The following CTXN2 variants were observed in gnomAD, a reference collection of about 807,000 sequenced individuals.
CTXN2 encodes the protein cortexin-2.
Under a neutral mutation model 5.7 loss-of-function variants are expected in CTXN2, and 3 were observed. That is an observed-to-expected ratio of 0.53 (90% confidence interval 0.24 to 1.36). The LOEUF (loss-of-function observed/expected upper bound fraction) is 1.36. Ranked by LOEUF, CTXN2 falls within the 40% of genes most tolerant of loss-of-function variation. The pLI, the probability that CTXN2 is intolerant of heterozygous loss-of-function variation, is 0.17. For synonymous variants in CTXN2, 38 were observed against 36.4 expected (o/e 1.04, Z -0.16); for missense variants, 87 against 93.0 (o/e 0.94, Z 0.26).
intron 1 of CTXN2, among the ~76,000 whole-genome samples, chr15:48,198,236 AT>A: frequency 6.6e-6 from 1 of 152,228 alleles, no homozygotes; most frequent in South Asian, 2.1e-4. Context: ...TTTTATACTT[AT>A]TTTCAAATCC....
chr15:48,184,786 G>A (rs370617250), intron 1 of CTXN2, among the ~76,000 whole-genome samples: 97 of 152,160 alleles, frequency 6.4e-4, no homozygotes, highest in African/African-American at 2.3e-3. Context: ...CAACAATCAC[G>A]CTGTTAGTTA....
intron 1 of CTXN2, among the ~76,000 whole-genome samples, chr15:48,179,300 AAGTTAT>A (rs1317516185): frequency 2.0e-5 from 3 of 152,048 alleles, no homozygotes; most frequent in African/African-American, 7.2e-5. Flanking sequence ...ATCAGTGGTA[AAGTTAT>A]AGTTAGAAAG....
At position 48,202,054 on chromosome 15, in the gene CTXN2, C is replaced by T. The variant is rs1713809534; in HGVS notation, c.*508C>T. 3 of 173,188 alleles carry T rather than the reference C, an allele frequency of 1.7e-5. No individual in the cohort carries two copies. Among genetic ancestry groups the T allele is most frequent in the African/African-American group, 7.2e-5 (3 of 41,440 alleles). 10.7% of individuals were successfully genotyped at this position (173,188 alleles called of 1,614,324 possible). On this transcript the variant is annotated 3_prime_UTR_variant, in exon 2 of 2. Coordinates refer to ENST00000417307, the MANE Select transcript of CTXN2 (RefSeq NM_001145668.2). ...AAAAATATCTCAAAAATCTAACACC[C>T]AAAGCCTACAAGTAGTCACAGGCCC...
intron 1 of CTXN2, among the ~76,000 whole-genome samples, chr15:48,195,226 T>G (rs2040865808): frequency 6.6e-6 from 1 of 152,128 alleles, no homozygotes; most frequent in South Asian, 2.1e-4. Context: ...GAGTCATCTT[T>G]GATGCCTCTC....
chr15:48,186,745 A>G (rs116972953), upstream of CTXN2, among the ~76,000 whole-genome samples: 1,459 of 148,392 alleles, frequency 9.8e-3, 82 homozygotes, highest in East Asian at 0.12. Context: ...CTAAAAATAC[A>G]AAAAAAAAAT....
chr15:48,191,953 C>A, intron 1 of CTXN2, 100 bp downstream of exon 1: 1 of 392,268 alleles, frequency 2.5e-6, no homozygotes. Context: ...TGTCCTCATT[C>A]TCTTGTATTT....
At chr15:48,193,946 G>T (rs2040851885) in intron 1 of CTXN2, among the ~76,000 whole-genome samples, 1 of 152,160 alleles carries the variant, frequency 6.6e-6, no homozygotes, top group South Asian at 2.1e-4. Context: ...TATTTCAACT[G>T]CTATATATAT....
chr15:48,183,431 T>C (rs2040718413), intron 1 of CTXN2, among the ~76,000 whole-genome samples: 1 of 152,206 alleles, frequency 6.6e-6, no homozygotes, highest in Admixed American at 6.5e-5. Context: ...GATTTGTTAT[T>C]ACCATGGAGG....
intron 1 of CTXN2, among the ~76,000 whole-genome samples, chr15:48,180,005 G>C (rs762028553): frequency 1.3e-5 from 2 of 151,964 alleles, no homozygotes; most frequent in Non-Finnish European, 2.9e-5. Flanking sequence ...AGGTACATGA[G>C]GAATACAAAA....
intron 1 of CTXN2, among the ~76,000 whole-genome samples, chr15:48,198,755 C>T (rs2040902559): frequency 1.3e-5 from 2 of 152,172 alleles, no homozygotes; most frequent in South Asian, 2.1e-4. Flanking sequence ...AGCCAACAGA[C>T]TTCACTCTTC....
chr15:48,191,619 C>G (rs1310670265), upstream of CTXN2: 2 of 434,268 alleles, frequency 4.6e-6, no homozygotes, highest in Non-Finnish European at 9.3e-6. Context: ...CGTTTTCCTG[C>G]AAACGCGCGC....
chr15:48,194,208 CA>C (rs1359355797), intron 1 of CTXN2, among the ~76,000 whole-genome samples: 59 of 141,566 alleles, frequency 4.2e-4, no homozygotes, highest in Middle Eastern at 3.4e-3. Context: ...TGTTCTTTCT[CA>C]ACCCATTTTT....
chr15:48,195,255 T>A (rs2040866102), intron 1 of CTXN2, among the ~76,000 whole-genome samples: 1 of 152,072 alleles, frequency 6.6e-6, no homozygotes, highest in Non-Finnish European at 1.5e-5. Flanking sequence ...GGCCCACTAC[T>A]TTCCAAATCC....
At chr15:48,188,482 C>T (rs1302128365), upstream of CTXN2, among the ~76,000 whole-genome samples, 2 of 152,072 alleles carry the variant, frequency 1.3e-5, no homozygotes. Context: ...ATTTCTTGGG[C>T]ATCTTTATAT....
chr15:48,201,541 G>T lies in CTXN2; in HGVS notation c.241G>T (p.Ala81Ser). 6.4e-7 allele frequency: 1 copy of T among 1,550,942 alleles called. No individual in the cohort carries two copies. Residue 81 changes from alanine to serine, a missense_variant, in exon 2 of 2, where the codon GCG becomes TCG. By Grantham distance (99) the Ala-to-Ser change is moderately conservative (BLOSUM62 1). Coordinates refer to ENST00000417307, the MANE Select transcript of CTXN2 (RefSeq NM_001145668.2). ...FDKGTFEYAL[A>S] ...TAAAGGGACATTTGAATATGCACTC[G>T]CGTGAGAGTTCCAGCTATATGGTTT...
chr15:48,196,103 A>C (rs939732599), intron 1 of CTXN2, among the ~76,000 whole-genome samples: 7 of 152,122 alleles, frequency 4.6e-5, no homozygotes, highest in Admixed American at 2.6e-4. Context: ...ACCCCTATTC[A>C]ATTTAAGACA....
chr15:48,195,661 C>G (rs1031727342), intron 1 of CTXN2, among the ~76,000 whole-genome samples: 2 of 152,122 alleles, frequency 1.3e-5, no homozygotes, highest in Non-Finnish European at 2.9e-5. Flanking sequence ...CAAATACAAT[C>G]TCTTGCAAGA....
chr15:48,199,015 G>A (rs2040904585), intron 1 of CTXN2, among the ~76,000 whole-genome samples: 1 of 152,090 alleles, frequency 6.6e-6, no homozygotes, highest in South Asian at 2.1e-4. Context: ...AATTTTTATT[G>A]AGGACTGTCC....
chr15:48,199,340 T>C (rs993757400), intron 1 of CTXN2, among the ~76,000 whole-genome samples: 4 of 152,174 alleles, frequency 2.6e-5, no homozygotes, highest in African/African-American at 9.7e-5. Flanking sequence ...GGGCAATAAG[T>C]CCTTCACTGA....
Sources: gnomAD v4.1 joint callset for allele counts (sites outside exome capture counted in the v4.1 genomes callset) on GRCh38, gnomAD v4.1.1 for gene constraint, MANE v1.5 for transcripts, NCBI Gene and HGNC (gene_info 2026-07-23, HGNC 2026-07-21) for gene names.